The following QTMAN variants were observed in gnomAD, a reference collection of about 807,000 sequenced individuals.
QTMAN encodes the protein tRNA-queuosine alpha-mannosyltransferase.
the QTMAN span, among the ~76,000 whole-genome samples, chr2:144,263,676 T>C: frequency 2.6e-5 from 4 of 152,336 alleles, no homozygotes; most frequent in East Asian, 7.7e-4. Flanking sequence ...TGAGCCGAGA[T>C]TGTGCCATTG....
chr2:144,085,465 G>A, the QTMAN span, among the ~76,000 whole-genome samples: 4 of 152,170 alleles, frequency 2.6e-5, no homozygotes, highest in Admixed American at 1.3e-4. Flanking sequence ...TGGTAGATGT[G>A]AGCTTTTATT....
the QTMAN span, among the ~76,000 whole-genome samples, chr2:144,237,708 A>G: frequency 2.0e-3 from 301 of 152,290 alleles, 2 homozygotes; most frequent in African/African-American, 6.7e-3. Context: ...ACAGCCCCCA[A>G]TAATCCTCAC....
chr2:144,132,501 C>T, the QTMAN span, among the ~76,000 whole-genome samples: 1 of 152,096 alleles, frequency 6.6e-6, no homozygotes, highest in East Asian at 1.9e-4. Flanking sequence ...CATCATTCAT[C>T]ACCCATGTGG....
At chr2:143,998,734 T>C in the QTMAN span, among the ~76,000 whole-genome samples, 2 of 152,116 alleles carry the variant, frequency 1.3e-5, no homozygotes, top group African/African-American at 4.8e-5. Context: ...ACTTTGGTTT[T>C]AACCAGTTTG....
the QTMAN span, among the ~76,000 whole-genome samples, chr2:144,072,729 G>A: frequency 6.6e-6 from 1 of 152,226 alleles, no homozygotes; most frequent in East Asian, 1.9e-4. Context: ...CCTTTAACTT[G>A]AGAGTGCTCA....
chr2:144,115,463 C>A, the QTMAN span, among the ~76,000 whole-genome samples: 1 of 152,192 alleles, frequency 6.6e-6, no homozygotes, highest in Non-Finnish European at 1.5e-5. Context: ...ACTGTGGCAT[C>A]ATTTGTTTCT....
chr2:144,285,885 C>T, the QTMAN span, among the ~76,000 whole-genome samples: 3 of 152,156 alleles, frequency 2.0e-5, no homozygotes, highest in East Asian at 3.8e-4. Flanking sequence ...GTCCCTCGTG[C>T]CCTTCTAGTA....
the QTMAN span, among the ~76,000 whole-genome samples, chr2:144,050,589 C>A: frequency 1.3e-5 from 2 of 152,118 alleles, no homozygotes; most frequent in African/African-American, 4.8e-5. Context: ...AATTTGAAAT[C>A]AGACACAAAA....
the QTMAN span, chr2:144,178,914 A>G: frequency 2.2e-6 from 1 of 464,312 alleles, no homozygotes; most frequent in African/African-American, 2.0e-5. Context: ...AAAGGTTAAC[A>G]TTCCATTCTC....
the QTMAN span, among the ~76,000 whole-genome samples, chr2:144,059,130 C>T: frequency 6.6e-6 from 1 of 152,202 alleles, no homozygotes; most frequent in East Asian, 1.9e-4. Flanking sequence ...CCAGCCTCAT[C>T]TCCACTCATT....
chr2:144,252,621 A>G, the QTMAN span, among the ~76,000 whole-genome samples: 1 of 152,346 alleles, frequency 6.6e-6, no homozygotes, highest in South Asian at 2.1e-4. Context: ...CAAAAAGAAC[A>G]TTGCTCACCA....
the QTMAN span, among the ~76,000 whole-genome samples, chr2:143,966,943 A>G: frequency 2.0e-5 from 3 of 152,248 alleles, no homozygotes; most frequent in African/African-American, 7.2e-5. Flanking sequence ...AGAGTTCTGT[A>G]GAGAGGGAAA....
At chr2:144,141,914 A>C in the QTMAN span, 1 of 1,611,536 alleles carries the variant, frequency 6.2e-7, no homozygotes, top group South Asian at 1.1e-5. Context: ...TGGGAAAGTA[A>C]ATAACTTGGC....
At chr2:143,973,357 TTATAG>T in the QTMAN span, among the ~76,000 whole-genome samples, 1 of 152,194 alleles carries the variant, frequency 6.6e-6, no homozygotes, top group Non-Finnish European at 1.5e-5. Context: ...AAATTATTAC[TTATAG>T]TATGCTTTTA....
chr2:144,284,956 A>G, the QTMAN span, among the ~76,000 whole-genome samples: 1 of 137,344 alleles, frequency 7.3e-6, no homozygotes, highest in Non-Finnish European at 1.5e-5. Context: ...TTTTTTTTTA[A>G]TTAGCTGGAT....
chr2:144,199,075 T>C, the QTMAN span, among the ~76,000 whole-genome samples: 5 of 151,762 alleles, frequency 3.3e-5, no homozygotes, highest in Admixed American at 6.6e-5. Context: ...GAGATGGAGT[T>C]TCACTCTTGT....
the QTMAN span, among the ~76,000 whole-genome samples, chr2:143,969,377 G>A: frequency 6.6e-6 from 1 of 152,150 alleles, no homozygotes; most frequent in African/African-American, 2.4e-5. Context: ...TAAATTTCTT[G>A]AGAGCAGGGA....
the QTMAN span, among the ~76,000 whole-genome samples, chr2:144,312,418 G>T: frequency 1.3e-5 from 2 of 152,016 alleles, no homozygotes; most frequent in Non-Finnish European, 1.5e-5. Context: ...GATCCATCCA[G>T]ATAACTCAAG....
chr2:144,220,090 T>C, the QTMAN span, among the ~76,000 whole-genome samples: 563 of 152,270 alleles, frequency 3.7e-3, 2 homozygotes, highest in African/African-American at 0.013. Flanking sequence ...TAGAGATCTT[T>C]AATGCTAAAG....
Sources: gnomAD v4.1 joint callset for allele counts (sites outside exome capture counted in the v4.1 genomes callset) on GRCh38, gnomAD v4.1.1 for gene constraint, MANE v1.5 for transcripts, NCBI Gene and HGNC (gene_info 2026-07-23, HGNC 2026-07-21) for gene names.